CDH12: variants seen among roughly 807,000 people sequenced by gnomAD.
The protein encoded by CDH12 is cadherin-12.
CDH12 carries 41 observed loss-of-function variants against 74.1 expected under a neutral mutation model. That is an observed-to-expected ratio of 0.55 (90% CI 0.43 to 0.72). The LOEUF (loss-of-function observed/expected upper bound fraction) is 0.72, where lower values mean the gene tolerates loss of function less well. Among genes scored for constraint, CDH12 ranks in the 30% least tolerant of loss-of-function variants. CDH12 has a pLI of 0.00. For synonymous variants in CDH12, 399 were observed against 355.0 expected (o/e 1.12, Z -1.39); for missense variants, 945 against 977.2 (o/e 0.97, Z 0.44).
rs111348544 is a variant in CDH12, at chr5:22,443,744, A to G, written c.-427-38393T>C. 8.2e-3 allele frequency among the ~76,000 whole-genome samples: 1,242 copies of G among 152,290 alleles called. 18 individuals are homozygous for G. Among genetic ancestry groups the G allele is most frequent in the African/African-American group, 0.028 (1,179 of 41,572 alleles). ...AACAAGTTATGTAGACATTAATTAC[A>G]AAGTAAGGGGTATAAAATGACTATA... On this transcript the variant is annotated intron_variant, in intron 2 of 14. Transcript: ENST00000382254.
chr5:22,366,252 C>A (rs1179052721), intron 3 of CDH12, among the ~76,000 whole-genome samples: 1 of 151,998 alleles, frequency 6.6e-6, no homozygotes, highest in Non-Finnish European at 1.5e-5. Context: ...CCATCACACC[C>A]ACCCTCAGTC....
chr5:22,410,279 C>A (rs560480278), intron 2 of CDH12, among the ~76,000 whole-genome samples: 9 of 152,142 alleles, frequency 5.9e-5, no homozygotes, highest in Non-Finnish European at 8.8e-5. Context: ...CCAGAGCCAA[C>A]CATAAAACCT....
intron 2 of CDH12, among the ~76,000 whole-genome samples, chr5:22,425,031 T>C (rs1375967417): frequency 1.3e-5 from 2 of 149,250 alleles, no homozygotes; most frequent in African/African-American, 2.5e-5. Context: ...CATTGCTTTT[T>C]TACTGGATAG....
At chr5:22,485,335 C>T (rs766973693) in intron 2 of CDH12, among the ~76,000 whole-genome samples, 2 of 152,116 alleles carry the variant, frequency 1.3e-5, no homozygotes, top group Admixed American at 1.3e-4. Context: ...GCACATGCCA[C>T]CATGCCCAGT....
In CDH12 at chr5:22,560,784, T is replaced by C. The variant is rs147431066; in HGVS notation, c.-522-55420A>G. On this transcript the variant is annotated intron_variant, in intron 1 of 14. Transcript: ENST00000382254. ...TATATTAATGTGCCTTAACAAGTTG[T>C]ATTTTGCTACATCTTATATAACATT... 2.0e-5 allele frequency among the ~76,000 whole-genome samples: 3 copies of C among 152,274 alleles called. No individual in the cohort carries two copies. In the South Asian group the frequency reaches 6.2e-4, roughly 32 times the overall value.
rs1163167923 is a variant in CDH12, at chr5:22,139,091, TA to T, written c.-186-60230del. Among the ~76,000 whole-genome samples, 4 of 150,582 alleles carry T rather than the reference TA, an allele frequency of 2.7e-5. No homozygotes were observed. In the East Asian group the frequency reaches 5.9e-4, roughly 22 times the overall value. On this transcript the variant is annotated intron_variant, in intron 4 of 14. Coordinates refer to ENST00000382254, the MANE Select transcript of CDH12 (RefSeq NM_004061.5). The stretch of plus-strand genomic sequence containing the variant: ...ATTTTTCCCCAAATATTACCTTTAT[TA>T]AAAATAATAGTAATAATTCTGGAGA...
At chr5:22,032,519 T>C (rs1365216391) in intron 5 of CDH12, among the ~76,000 whole-genome samples, 2 of 151,908 alleles carry the variant, frequency 1.3e-5, no homozygotes, top group African/African-American at 2.4e-5. Flanking sequence ...AAGACCAGCC[T>C]AGCCAACATG....
At chr5:22,259,702 T>A (rs1247153741) in intron 3 of CDH12, among the ~76,000 whole-genome samples, 1 of 152,040 alleles carries the variant, frequency 6.6e-6, no homozygotes, top group African/African-American at 2.4e-5. Flanking sequence ...AATTTCTTGA[T>A]CTGGAGGTAA....
intron 3 of CDH12, among the ~76,000 whole-genome samples, chr5:22,283,154 A>G (rs531189545): frequency 6.0e-5 from 9 of 150,060 alleles, no homozygotes; most frequent in African/African-American, 2.2e-4. Context: ...GTTTGATAAT[A>G]ATGTAACATG....
chr5:21,940,199 C>T lies in CDH12; in HGVS notation c.526+34892G>A, dbSNP rs534751896. Among the ~76,000 whole-genome samples, 323 of 152,154 alleles carry T rather than the reference C, an allele frequency of 2.1e-3. 1 individual carries two copies. Among genetic ancestry groups the T allele is most frequent in the Middle Eastern group, 0.021 (6 of 292 alleles). On this transcript the variant is annotated intron_variant, in intron 6 of 14. Coordinates refer to ENST00000382254, the MANE Select transcript of CDH12 (RefSeq NM_004061.5). ...CCAAGATCACGCCATTGCCCTCCAT[C>T]CTGGGTGACAAAGCGAGACTCCATC... is the stretch of plus-strand genomic sequence containing the variant.
intron 1 of CDH12, among the ~76,000 whole-genome samples, chr5:22,668,235 C>T (rs1039044726): frequency 6.6e-6 from 1 of 152,142 alleles, no homozygotes; most frequent in Non-Finnish European, 1.5e-5. Flanking sequence ...ATAAAAATCT[C>T]ATTGAAGAAA....
At chr5:22,282,801 T>G (rs966349725) in intron 3 of CDH12, among the ~76,000 whole-genome samples, 1 of 151,964 alleles carries the variant, frequency 6.6e-6, no homozygotes, top group African/African-American at 2.4e-5. Context: ...GGAGTATAAA[T>G]TAGTTCAACT....
chr5:22,321,341 G>C lies in CDH12; in HGVS notation c.-333+83916C>G, dbSNP rs546230676. 1.6e-3 allele frequency among the ~76,000 whole-genome samples: 241 copies of C among 148,392 alleles called. 1 individual carries two copies. Among genetic ancestry groups the C allele is most frequent in the Admixed American group, 3.4e-3 (50 of 14,830 alleles). On this transcript the variant is annotated intron_variant, in intron 3 of 14. Coordinates refer to ENST00000382254, the MANE Select transcript of CDH12 (RefSeq NM_004061.5). ...AAAAAATGATGAGTTCACGTCCTTT[G>C]TAGGGACATGGATGAAATTGGAAAT...
intron 8 of CDH12, among the ~76,000 whole-genome samples, chr5:21,818,175 G>A (rs1016431269): frequency 7.9e-5 from 12 of 152,018 alleles, no homozygotes; most frequent in African/African-American, 2.9e-4. Context: ...TGATACTGGA[G>A]TTCCACTTTC....
At chr5:22,393,484 T>C in intron 3 of CDH12, among the ~76,000 whole-genome samples, 1 of 152,120 alleles carries the variant, frequency 6.6e-6, no homozygotes, top group East Asian at 1.9e-4. Context: ...CTAATGAAGA[T>C]ATTGGCATCT....
chr5:22,234,602 C>G (rs1402334288), intron 3 of CDH12, among the ~76,000 whole-genome samples: 8 of 136,402 alleles, frequency 5.9e-5, no homozygotes, highest in Non-Finnish European at 1.3e-4. Context: ...TTTTCAGCAG[C>G]ATGAAAATGC....
intron 4 of CDH12, among the ~76,000 whole-genome samples, chr5:22,122,175 G>A (rs954238201): frequency 6.6e-6 from 1 of 152,116 alleles, no homozygotes; most frequent in Non-Finnish European, 1.5e-5. Context: ...GGCCTAGGTG[G>A]GTGAATCACC....
chr5:22,443,804 G>GT (rs1186413550), intron 2 of CDH12, among the ~76,000 whole-genome samples: 3 of 151,950 alleles, frequency 2.0e-5, no homozygotes, highest in African/African-American at 2.4e-5. Context: ...AGGCTTTTTG[G>GT]TTTTTTCAAA....
At chr5:22,063,077 G>A (rs1340902347) in intron 5 of CDH12, among the ~76,000 whole-genome samples, 10 of 152,066 alleles carry the variant, frequency 6.6e-5, no homozygotes. Context: ...TTGCATTTTT[G>A]TTGGATCCAA....
Sources: gnomAD v4.1 joint callset for allele counts (sites outside exome capture counted in the v4.1 genomes callset) on GRCh38, gnomAD v4.1.1 for gene constraint, MANE v1.5 for transcripts, NCBI Gene and HGNC (gene_info 2026-07-23, HGNC 2026-07-21) for gene names.